Variants in TAF5L observed in about 807,000 individuals in gnomAD.
TAF5L encodes the protein TAF5-like RNA polymerase II p300/CBP-associated factor-associated factor 65 kDa subunit 5L.
TAF5L carries 7 observed loss-of-function variants against 51.3 expected under a neutral mutation model. The ratio of observed to expected loss-of-function variants is 0.14; its 90% confidence interval spans 0.08 to 0.26. The LOEUF (loss-of-function observed/expected upper bound fraction) is 0.26, where lower values mean the gene tolerates loss of function less well. Among genes scored for constraint, TAF5L ranks in the 10% least tolerant of loss-of-function variants. The probability of loss-of-function intolerance (pLI) is 1.00; values close to 1 mark genes in which losing one functional copy is unlikely to be tolerated. For missense variants in TAF5L, 575 were observed against 758.9 expected (o/e 0.76, Z 2.85); for synonymous variants, 291 against 308.1 (o/e 0.94, Z 0.58).
intron 4 of TAF5L, chr1:229,601,787 T>C: frequency 9.8e-7 from 1 of 1,016,086 alleles, no homozygotes; most frequent in Non-Finnish European, 1.2e-6. Context: ...GGGAAAATAA[T>C]ATTCATTACA....
rs142367550 is a variant in TAF5L, at chr1:229,605,071, A to G, written c.248-2152T>C. Among the ~76,000 whole-genome samples, 281 of 151,642 alleles carry G rather than the reference A, an allele frequency of 1.9e-3. 1 individual carries two copies. Among genetic ancestry groups the G allele is most frequent in the Middle Eastern group, 0.01 (3 of 294 alleles). On this transcript the variant is annotated intron_variant, in intron 3 of 4. Coordinates refer to ENST00000258281, the Ensembl canonical transcript of TAF5L. ...TCCTGCCTCAGCCTATTGAGTAGCT[A>G]CAGGCGTGTGACACCACGCTCAGCT... is the stretch of plus-strand genomic sequence containing the variant.
chr1:229,603,038 G>A (rs1313388671), intron 3 of TAF5L, 119 bp from the exon 4 acceptor site: 6 of 1,429,476 alleles, frequency 4.2e-6, no homozygotes, highest in Non-Finnish European at 5.5e-6. Context: ...TTTTTTAAGA[G>A]TACTGATTGA....
At chr1:229,624,573 T>G (rs1318990854) in intron 1 of TAF5L, among the ~76,000 whole-genome samples, 1 of 151,138 alleles carries the variant, frequency 6.6e-6, no homozygotes, top group Admixed American at 6.6e-5. Context: ...AGCCCAGGCC[T>G]GGGCAACATA....
At chr1:229,595,183 A>C (rs1297886228) in intron 4 of TAF5L, 89 bp from the exon 5 acceptor site, 2 of 1,379,018 alleles carry the variant, frequency 1.5e-6, no homozygotes, top group Admixed American at 2.3e-5. Context: ...GAGAAAAAAA[A>C]GTAGAGAACT....
At chr1:229,606,327 T>A (rs17585495) in intron 3 of TAF5L, 1 of 888,864 alleles carries the variant, frequency 1.1e-6, no homozygotes, top group African/African-American at 1.8e-5. Context: ...TAAAATATAT[T>A]TTTTTCTAAC....
intron 1 of TAF5L, among the ~76,000 whole-genome samples, chr1:229,616,185 T>A (rs1664995734): frequency 6.6e-6 from 1 of 152,046 alleles, no homozygotes; most frequent in African/African-American, 2.4e-5. Context: ...GGCTAATTAT[T>A]AAATTTTTAG....
At chr1:229,617,567 G>A (rs145625749) in intron 1 of TAF5L, among the ~76,000 whole-genome samples, 3 of 152,266 alleles carry the variant, frequency 2.0e-5, no homozygotes, top group South Asian at 2.1e-4. Context: ...GATGGGCCTC[G>A]ATCTCTTAGA....
At position 229,617,329 on chromosome 1, in the gene TAF5L, G is replaced by A. The variant is rs183943621; in HGVS notation, c.-3-2844C>T. On this transcript the variant is annotated intron_variant, in intron 1 of 4. Coordinates refer to ENST00000258281, the Ensembl canonical transcript of TAF5L. ...GGCTGTGACAGTACTGTCCTTTCCC[G>A]TGTGGCCCAAAGTCAAGACGAGTCA... Among the ~76,000 whole-genome samples the A allele has an allele frequency of 1.5e-4, 23 of 152,286 alleles. 1 individual carries two copies. The South Asian group carries it at 1.7e-3, about 11-fold the overall frequency.
At chr1:229,618,598 T>C (rs1437492635) in intron 1 of TAF5L, among the ~76,000 whole-genome samples, 1 of 152,222 alleles carries the variant, frequency 6.6e-6, no homozygotes, top group Non-Finnish European at 1.5e-5. Context: ...GTAACAACTC[T>C]GCAGGGAAAA....
At chr1:229,605,077 G>A (rs1047455064) in intron 3 of TAF5L, among the ~76,000 whole-genome samples, 7 of 151,074 alleles carry the variant, frequency 4.6e-5, no homozygotes, top group Non-Finnish European at 8.8e-5. Context: ...AGCTACAGGC[G>A]TGTGACACCA....
rs757202033 is a variant in TAF5L at position 229,614,190 on chromosome 1, A to G, written c.142+151T>C. 6 of 1,274,662 alleles carry G rather than the reference A, an allele frequency of 4.7e-6. 1 individual carries two copies. Among genetic ancestry groups the G allele is most frequent in the African/African-American group, 1.5e-5 (1 of 67,738 alleles). 79.0% of individuals were successfully genotyped at this position (1,274,662 alleles called of 1,614,324 possible). On this transcript the variant is annotated intron_variant, in intron 2 of 4. Coordinates refer to ENST00000258281, the Ensembl canonical transcript of TAF5L. Reference sequence around the variant, plus strand: ...AATGACAGACAGGGTCTCTGAGGCCAACATCATTCACTTAACGTAGCTCAC... The same window carrying G: ...AATGACAGACAGGGTCTCTGAGGCCGACATCATTCACTTAACGTAGCTCAC...
At chr1:229,598,949 G>A (rs963160005) in intron 4 of TAF5L, among the ~76,000 whole-genome samples, 1 of 151,988 alleles carries the variant, frequency 6.6e-6, no homozygotes, top group Non-Finnish European at 1.5e-5. Context: ...CACCTGCCTC[G>A]GCCTCCCAAA....
chr1:229,608,665 GATTT>G (rs1664682802), intron 3 of TAF5L, among the ~76,000 whole-genome samples: 3 of 152,190 alleles, frequency 2.0e-5, no homozygotes, highest in Non-Finnish European at 4.4e-5. Flanking sequence ...CTCCATGACA[GATTT>G]ATTTTCACCA....
chr1:229,623,230 C>T (rs989910502), intron 1 of TAF5L, among the ~76,000 whole-genome samples: 2 of 152,210 alleles, frequency 1.3e-5, no homozygotes, highest in Admixed American at 6.5e-5. Context: ...GCCAAGATCA[C>T]GCCATTGCAC....
chr1:229,624,180 T>C (rs964187484), intron 1 of TAF5L, among the ~76,000 whole-genome samples: 5 of 152,146 alleles, frequency 3.3e-5, no homozygotes, highest in Non-Finnish European at 5.9e-5. Flanking sequence ...AGTTACTGAG[T>C]AGTTAAGTGA....
At chr1:229,618,788 G>C (rs1393913274) in intron 1 of TAF5L, among the ~76,000 whole-genome samples, 1 of 152,112 alleles carries the variant, frequency 6.6e-6, no homozygotes, top group Non-Finnish European at 1.5e-5. Flanking sequence ...TACACGGTCG[G>C]TAGAGGAGGG....
chr1:229,617,607 T>C (rs1320020465), intron 1 of TAF5L, among the ~76,000 whole-genome samples: 1 of 152,148 alleles, frequency 6.6e-6, no homozygotes, highest in Non-Finnish European at 1.5e-5. Flanking sequence ...ACTCTGCATG[T>C]GAAAGACATG....
chr1:229,594,085 T>A lies in TAF5L; in HGVS notation c.*212A>T. On this transcript the variant is annotated 3_prime_UTR_variant, in exon 5 of 5. Coordinates refer to ENST00000258281, the Ensembl canonical transcript of TAF5L. The surrounding 1 kb of genome is among the most constrained non-coding windows in gnomAD (Gnocchi z 7.9). ...ACCTCCAGGGCACTCTAATTCTTGATCACTCATCATTGCCTCTCTCCTGTT... is the reference window on the plus strand; with the variant it reads ...ACCTCCAGGGCACTCTAATTCTTGAACACTCATCATTGCCTCTCTCCTGTT... 1.8e-6 allele frequency: 1 copy of A among 566,412 alleles called. No individual in the cohort carries two copies. The highest frequency in any genetic ancestry group is 3.2e-5 in the East Asian group (1 of 31,062). The allele number at this position is 566,412 out of a possible 1,614,324, so 35.1% of individuals were successfully genotyped here.
At chr1:229,618,766 T>A (rs1665097585) in intron 1 of TAF5L, among the ~76,000 whole-genome samples, 1 of 152,050 alleles carries the variant, frequency 6.6e-6, no homozygotes, top group African/African-American at 2.4e-5. Flanking sequence ...CCACCCCCGT[T>A]AGGCTCTAAT....
Sources: gnomAD v4.1 joint callset for allele counts (sites outside exome capture counted in the v4.1 genomes callset) on GRCh38, gnomAD v4.1.1 for gene constraint, Gnocchi (gnomAD v3.1) non-coding constraint, MANE v1.5 for transcripts, NCBI Gene and HGNC (gene_info 2026-07-23, HGNC 2026-07-21) for gene names.